The following ZNF737 variants were observed in gnomAD, a reference collection of about 807,000 sequenced individuals.
The protein encoded by ZNF737 is zinc finger protein 102 (Y3).
A neutral mutation model predicts 11.7 loss-of-function variants in ZNF737; 13 were observed. The ratio of observed to expected loss-of-function variants is 1.11; its 90% confidence interval spans 0.73 to 1.77. The LOEUF is 1.77. Ranked by LOEUF, ZNF737 falls within the 40% of genes most tolerant of loss-of-function variation. The pLI, the probability that ZNF737 is intolerant of heterozygous loss-of-function variation, is 0.00. For missense variants in ZNF737, 636 were observed against 638.0 expected, an observed-to-expected ratio of 1.00 and a Z score of 0.03; for synonymous variants, 217 against 216.2, an observed-to-expected ratio of 1.00 and a Z score of -0.03.
Position 20,540,207 on chromosome 19 carries a change from C to T in ZNF737, c.*4385G>A. ...GTTCTACCTAGAAGTCACTTACTTT[C>T]AGGCCAGCAGGGGTGTTTTTCTGTG... is the stretch of plus-strand genomic sequence containing the variant. On this transcript the variant is annotated 3_prime_UTR_variant, in exon 4 of 4. Coordinates refer to ENST00000427401, the MANE Select transcript of ZNF737 (RefSeq NM_001159293.2). 2.1e-6 allele frequency: 2 copies of T among 964,670 alleles called. No individual in the cohort carries two copies. The highest frequency in any genetic ancestry group is 2.5e-6 in the Non-Finnish European group (2 of 811,094). The allele number at this position is 964,670 out of a possible 1,614,324, so 59.8% of individuals were successfully genotyped here.
Position 20,543,747 on chromosome 19 carries a change from G to A in ZNF737, c.*845C>T. ...TATAATTATTGTTATGTGTAGAGAA[G>A]TTGGAGGTGTTCGTAAAAGCAATGT... On this transcript the variant is annotated 3_prime_UTR_variant, in exon 4 of 4. Coordinates refer to ENST00000427401, the MANE Select transcript of ZNF737 (RefSeq NM_001159293.2). 1.0e-6 allele frequency: 1 copy of A among 985,312 alleles called. No homozygotes were observed. The highest frequency in any genetic ancestry group is 1.2e-6 in the Non-Finnish European group (1 of 829,866). The allele number at this position is 985,312 out of a possible 1,614,324, so 61.0% of individuals were successfully genotyped here.
intron 1 of ZNF737, 147 bp downstream of exon 1, chr19:20,565,491 C>T (rs1220004693): frequency 7.8e-6 from 11 of 1,401,710 alleles, no homozygotes; most frequent in African/African-American, 1.4e-5. Flanking sequence ...TATGGCTGAA[C>T]GGGACTGAGG....
At position 20,539,917 on chromosome 19, in the gene ZNF737, A is replaced by G. The variant is rs1324727004; in HGVS notation, c.*4675T>C. 1.1e-6 allele frequency: 1 copy of G among 949,718 alleles called. No individual in the cohort carries two copies. The highest frequency in any genetic ancestry group is 1.8e-5 in the African/African-American group (1 of 55,924). The allele number at this position is 949,718 out of a possible 1,614,324, so 58.8% of individuals were successfully genotyped here. ...CTGATCATTCACTACAGCTTACTAA[A>G]TACTGTTCCATAATGCCAGTGAGCA... On this transcript the variant is annotated 3_prime_UTR_variant, in exon 4 of 4. Coordinates refer to ENST00000427401, the MANE Select transcript of ZNF737 (RefSeq NM_001159293.2).
In ZNF737 at chr19:20,545,381, T is replaced by C. The variant is rs57697587; in HGVS notation, c.822A>G (p.Thr274=). 1.2e-4 allele frequency: 195 copies of C among 1,613,522 alleles called. No individual in the cohort carries two copies. The African/African-American group carries it at 2.3e-3, about 19-fold the overall frequency. Residue 274 remains threonine, a synonymous_variant, in exon 4 of 4, where the codon ACA becomes ACG. Coordinates refer to ENST00000427401, the MANE Select transcript of ZNF737 (RefSeq NM_001159293.2). ...KAFKRSSNLT[T]HKIIHTGEKP... is the part of the protein sequence containing the mutation. ...TCTCTCCAGTATGAATTATCTTATG[T>C]GTAGTAAGGTTAGAGGAGCGCTTAA...
In ZNF737 at chr19:20,538,577, G is replaced by T; in HGVS notation, c.*6015C>A. The T allele has an allele frequency of 2.1e-6, 2 of 932,724 alleles. No individual in the cohort carries two copies. The highest frequency in any genetic ancestry group is 2.6e-6 in the Non-Finnish European group (2 of 781,878). 57.8% of individuals were successfully genotyped at this position (932,724 alleles called of 1,614,324 possible). On this transcript the variant is annotated 3_prime_UTR_variant, in exon 4 of 4. Coordinates refer to ENST00000427401, the MANE Select transcript of ZNF737 (RefSeq NM_001159293.2). Reference sequence around the variant, plus strand: ...TTCTGCAAAAAGTAAAAATGGCCTTGCTAAGAAAAATTAAATTTATTTTCA... The same window carrying T: ...TTCTGCAAAAAGTAAAAATGGCCTTTCTAAGAAAAATTAAATTTATTTTCA...
At position 20,545,272 on chromosome 19, in the gene ZNF737, T is replaced by C. The variant is rs782681959; in HGVS notation, c.931A>G (p.Lys311Glu). 2.3e-5 allele frequency: 37 copies of C among 1,613,242 alleles called. No homozygotes were observed. The highest frequency in any genetic ancestry group is 2.9e-5 in the Non-Finnish European group (34 of 1,179,700). The stretch of plus-strand genomic sequence containing the variant: ...CCACATTCTTCACATTTGTAGGGTT[T>C]CTCTCCGCTATGAATTATCTTATGC... ...TAHKIIHSGE[K>E]PYKCEECGKA... The change falls in exon 4 of 4, where the codon AAA becomes GAA. Residue 311 changes from lysine (K) to glutamate (E), a missense_variant. Lys to Glu is a moderately conservative substitution (Grantham distance 56). Transcript: ENST00000427401.
chr19:20,561,272 C>T (rs782311353), intron 1 of ZNF737, among the ~76,000 whole-genome samples: 8 of 152,050 alleles, frequency 5.3e-5, no homozygotes, highest in East Asian at 1.9e-4. Context: ...GGTGGGGATA[C>T]GCCAGGAGAC....
rs1336108395 is a variant in ZNF737, at chr19:20,540,154, T to C, written c.*4438A>G. 1.0e-5 allele frequency: 10 copies of C among 985,284 alleles called. No individual in the cohort carries two copies. Among genetic ancestry groups the C allele is most frequent in the African/African-American group, 1.7e-5 (1 of 57,238 alleles). The allele number at this position is 985,284 out of a possible 1,614,324, so 61.0% of individuals were successfully genotyped here. On this transcript the variant is annotated 3_prime_UTR_variant, in exon 4 of 4. Coordinates refer to ENST00000427401, the MANE Select transcript of ZNF737 (RefSeq NM_001159293.2). ...CAAGATACAAACATTTTTCCCGCCA[T>C]GTGGCCACCATAAGCAGCTTACAAC...
chr19:20,541,739 A>C lies in ZNF737; in HGVS notation c.*2853T>G, dbSNP rs1412968227. On this transcript the variant is annotated 3_prime_UTR_variant, in exon 4 of 4. Transcript: ENST00000427401. The stretch of plus-strand genomic sequence containing the variant: ...CTGTGCCTGGCCGTATTTTATTTAC[A>C]TTTTTGTATAATTATTATGATCATA... Among the ~76,000 whole-genome samples the C allele has an allele frequency of 6.6e-6, 1 of 152,174 alleles. No individual in the cohort carries two copies. Among genetic ancestry groups the C allele is most frequent in the Non-Finnish European group, 1.5e-5 (1 of 68,030 alleles).
In ZNF737 at chr19:20,543,066, C is replaced by A. The variant is rs1000684851; in HGVS notation, c.*1526G>T. 2 of 983,944 alleles carry A rather than the reference C, an allele frequency of 2.0e-6. No homozygotes were observed. Among genetic ancestry groups the A allele is most frequent in the Non-Finnish European group, 2.4e-6 (2 of 828,854 alleles). The allele number at this position is 983,944 out of a possible 1,614,324, so 61.0% of individuals were successfully genotyped here. ...TAGTGTAATGTCTGAAGTGTCGGGG[C>A]CTTAGTTATTCTACTGTAAACTCTC... On this transcript the variant is annotated 3_prime_UTR_variant, in exon 4 of 4. Coordinates refer to ENST00000427401, the MANE Select transcript of ZNF737 (RefSeq NM_001159293.2).
chr19:20,537,511 A>ATTTTTTTTT (rs1163609628), downstream of ZNF737, among the ~76,000 whole-genome samples: 125 of 77,088 alleles, frequency 1.6e-3, 14 homozygotes, highest in African/African-American at 5.5e-3. Flanking sequence ...CTGGTTTTCT[A>ATTTTTTTTT]TTTTTTTTTT....
At chr19:20,560,469 A>G (rs1413268759) in intron 1 of ZNF737, among the ~76,000 whole-genome samples, 3 of 152,120 alleles carry the variant, frequency 2.0e-5, no homozygotes, top group Non-Finnish European at 2.9e-5. Context: ...ATGAAGCTGG[A>G]GACCATCATT....
the ZNF737 span, among the ~76,000 whole-genome samples, chr19:20,530,594 C>T: frequency 6.4e-5 from 9 of 139,744 alleles, 1 homozygote; most frequent in Non-Finnish European, 9.3e-5. Flanking sequence ...CAGACGGGGT[C>T]GTGGCCGGGC....
intron 1 of ZNF737, among the ~76,000 whole-genome samples, chr19:20,554,066 G>A (rs1210247722): frequency 2.3e-4 from 35 of 152,198 alleles, no homozygotes; most frequent in Admixed American, 2.3e-3. Flanking sequence ...AGATAGTAAA[G>A]TGTAAAATTA....
In ZNF737 at chr19:20,539,318, A is replaced by G. The variant is rs1003028224; in HGVS notation, c.*5274T>C. ...AAAAAAAAAAGAAATTCTTTCTTCA[A>G]TTACTTGGAAACCCTGGGAAGCCCC... On this transcript the variant is annotated 3_prime_UTR_variant, in exon 4 of 4. Coordinates refer to ENST00000427401, the MANE Select transcript of ZNF737 (RefSeq NM_001159293.2). 12 of 984,880 alleles carry G rather than the reference A, an allele frequency of 1.2e-5. No individual in the cohort carries two copies. The highest frequency in any genetic ancestry group is 1.4e-5 in the Non-Finnish European group (12 of 829,542). The allele number at this position is 984,880 out of a possible 1,614,324, so 61.0% of individuals were successfully genotyped here.
intron 1 of ZNF737, among the ~76,000 whole-genome samples, chr19:20,559,430 C>T (rs1303145666): frequency 6.6e-6 from 1 of 151,784 alleles, no homozygotes; most frequent in Admixed American, 6.6e-5. Context: ...GAAAAAAATG[C>T]TCATCGCTAA....
chr19:20,559,132 T>C (rs1274599848), intron 1 of ZNF737, among the ~76,000 whole-genome samples: 1 of 152,174 alleles, frequency 6.6e-6, no homozygotes, highest in Non-Finnish European at 1.5e-5. Flanking sequence ...AAAGAATTCA[T>C]GAGGAAGCTA....
rs57115990 is a variant in ZNF737, at chr19:20,543,515, G to A, written c.*1077C>T. 2 of 984,772 alleles carry A rather than the reference G, an allele frequency of 2.0e-6. No individual in the cohort carries two copies. Among genetic ancestry groups the A allele is most frequent in the Non-Finnish European group, 2.4e-6 (2 of 829,528 alleles). The allele number at this position is 984,772 out of a possible 1,614,324, so 61.0% of individuals were successfully genotyped here. A position where few individuals can be genotyped will look rare whatever the true frequency, so the allele number is the denominator to read the frequency against. On this transcript the variant is annotated 3_prime_UTR_variant, in exon 4 of 4. Coordinates refer to ENST00000427401, the MANE Select transcript of ZNF737 (RefSeq NM_001159293.2). ...AGTTAGATGTGAGTAGGAATTAATA[G>A]GTTTTCCATATTCCTTCTATTTGTA...
chr19:20,542,425 T>G lies in ZNF737; in HGVS notation c.*2167A>C. On this transcript the variant is annotated 3_prime_UTR_variant, in exon 4 of 4. Transcript: ENST00000427401. ...TTTTGTATTTTTAGTAGAGACTGGG[T>G]TTCTCCATGTTGGTCAGGCTGGTCT... is the stretch of plus-strand genomic sequence containing the variant. 3.1e-5 allele frequency: 13 copies of G among 422,946 alleles called. No homozygotes were observed. Among genetic ancestry groups the G allele is most frequent in the Non-Finnish European group, 4.1e-5 (13 of 316,096 alleles). 26.2% of individuals were successfully genotyped at this position (422,946 alleles called of 1,614,324 possible).
Sources: allele counts gnomAD v4.1 joint callset (sites outside exome capture counted in the v4.1 genomes callset), GRCh38; gene constraint gnomAD v4.1.1; transcripts MANE v1.5; gene names NCBI Gene and HGNC (gene_info 2026-07-23, HGNC 2026-07-21).